The following DOCK9 variants were observed in gnomAD, a reference collection of about 807,000 sequenced individuals.
DOCK9 encodes the protein dedicator of cytokinesis protein 9.
In DOCK9, 89 loss-of-function variants were observed where a neutral mutation model predicts 263.3. The observed-to-expected ratio is 0.34, with a 90% confidence interval of 0.28 to 0.40. The LOEUF (loss-of-function observed/expected upper bound fraction) is 0.40. Among genes scored for constraint, DOCK9 ranks in the 10% least tolerant of loss-of-function variants. DOCK9 has a pLI of 1.00. For synonymous variants in DOCK9, 976 were observed against 973.1 expected (o/e 1.00, Z -0.06); for missense variants, 2,140 against 2,603.4 (o/e 0.82, Z 3.87).
chr13:99,011,524 G>A (rs1294829400), intron 1 of DOCK9, among the ~76,000 whole-genome samples: 2 of 152,132 alleles, frequency 1.3e-5, no homozygotes, highest in African/African-American at 2.4e-5. Flanking sequence ...TTCATATTAT[G>A]AAGAGAAGAA....
rs1355923264 is a variant in DOCK9, at chr13:98,888,353, C to A, written c.1977+7G>T. 6.2e-7 allele frequency: 1 copy of A among 1,611,404 alleles called. No homozygotes were observed. The highest frequency in any genetic ancestry group is 8.5e-7 in the Non-Finnish European group (1 of 1,178,208). Reference sequence around the variant, plus strand: ...ATCAAGAATGAAACCTCCATCTTCACACTCACCTTGGCAAAAGACTTCTGA... The same window carrying A: ...ATCAAGAATGAAACCTCCATCTTCAAACTCACCTTGGCAAAAGACTTCTGA... On this transcript the variant is annotated splice_region_variant and intron_variant, in intron 17 of 52. Coordinates refer to ENST00000682017, the MANE Select transcript of DOCK9 (RefSeq NM_001366683.2).
rs1175277024 is a variant in DOCK9 at position 98,860,451 on chromosome 13, C to T, written c.3651G>A (p.Leu1217=). The change falls in exon 33 of 53, where the codon CTG becomes CTA. Residue 1217 remains leucine, a synonymous_variant. Transcript: ENST00000682017. ...GCAGGTCCTTGTGCAGGCTGTTGTC[C>T]AGGGTGCTTCCCTTCTGCGGCGTCA... The part of the protein sequence containing the change: ...PLVTPQKGST[L]DNSLHKDLLG... 1 of 1,593,868 alleles carries T rather than the reference C, an allele frequency of 6.3e-7. No individual in the cohort carries two copies. Among genetic ancestry groups the T allele is most frequent in the Non-Finnish European group, 8.6e-7 (1 of 1,169,342 alleles).
chr13:98,993,115 A>G (rs1880197195), intron 1 of DOCK9, among the ~76,000 whole-genome samples: 1 of 152,222 alleles, frequency 6.6e-6, no homozygotes, highest in African/African-American at 2.4e-5. Context: ...TGCCTCCTCA[A>G]TGAGAAGTGT....
In DOCK9 at chr13:98,808,679, TAA is replaced by T. The variant is rs747917089; in HGVS notation, c.5367+671_5367+672del. On this transcript the variant is annotated intron_variant, in intron 47 of 52. Transcript: ENST00000682017. ...CACTGTCTGTAAACTGGTATTGCTA[TAA>T]AGTTATAAAAGACAATAACAGAATA... 4.4e-6 allele frequency: 7 copies of T among 1,576,712 alleles called. No individual in the cohort carries two copies. In the South Asian group the frequency reaches 6.8e-5, roughly 15 times the overall value.
At position 98,925,888 on chromosome 13, in the gene DOCK9, A is replaced by T; in HGVS notation, c.365T>A (p.Leu122His). The T allele has an allele frequency of 6.3e-7, 1 of 1,588,194 alleles. No homozygotes were observed. Among genetic ancestry groups the T allele is most frequent in the African/African-American group, 1.3e-5 (1 of 74,692 alleles). Residue 122 changes from leucine (L) to histidine (H), a missense_variant, in exon 4 of 53, where the codon CTT becomes CAT. Physicochemically the swap from Leu to His is moderately conservative, Grantham distance 99. This residue lies in a region of DOCK9 where 1,521 missense variants were observed against 1,741.7 expected (regional missense o/e 0.87). Coordinates refer to ENST00000682017, the MANE Select transcript of DOCK9 (RefSeq NM_001366683.2). ...CIKTYNSDWHLVNYKYEDYSG... is the reference protein window; with the variant it reads ...CIKTYNSDWHHVNYKYEDYSG... ...GTAATCTTCATATTTATAGTTCACAAGATGCCAGTCAGAGTTATAGGTTTT... is the reference window on the plus strand; with the variant it reads ...GTAATCTTCATATTTATAGTTCACATGATGCCAGTCAGAGTTATAGGTTTT...
At chr13:98,809,994 G>A (rs970793127) in intron 46 of DOCK9, among the ~76,000 whole-genome samples, 175 bp downstream of exon 46, 5 of 152,128 alleles carry the variant, frequency 3.3e-5, no homozygotes, top group Non-Finnish European at 5.9e-5. Context: ...GGTGATACCC[G>A]ATGACTATTT....
In DOCK9 at chr13:98,992,782, T is replaced by C. The variant is rs76363797; in HGVS notation, c.130-37231A>G. On this transcript the variant is annotated intron_variant, in intron 1 of 32. Transcript: ENST00000427887. ...ATTACAGTCTCAGGTATGTCTTTAT[T>C]AGCAGCATGAGAATGGACTAATACA... Among the ~76,000 whole-genome samples, 142 of 152,308 alleles carry C rather than the reference T, an allele frequency of 9.3e-4. 1 individual carries two copies. The highest frequency in any genetic ancestry group is 3.4e-3 in the Middle Eastern group (1 of 294).
At chr13:99,082,371 T>C (rs2042155096) in intron 1 of DOCK9, among the ~76,000 whole-genome samples, 1 of 151,362 alleles carries the variant, frequency 6.6e-6, no homozygotes, top group African/African-American at 2.4e-5. Flanking sequence ...TACAAAAAAT[T>C]AGCCGGGTGT....
At chr13:99,056,285 A>C (rs752182) in intron 1 of DOCK9, among the ~76,000 whole-genome samples, 33,351 of 150,020 alleles carry the variant, frequency 0.22, 3,648 homozygotes, top group Middle Eastern at 0.3. Flanking sequence ...CTATCCAATC[A>C]TTGCTTGTTT....
chr13:98,989,346 G>GATGATAATAATA (rs1357152750), intron 1 of DOCK9, among the ~76,000 whole-genome samples: 3 of 60,068 alleles, frequency 5.0e-5, no homozygotes, highest in Non-Finnish European at 1.2e-4. Context: ...TGATGATGAT[G>GATGATAATAATA]ATAATAATAA....
exon 1 of DOCK9, chr13:99,086,338 G>C (rs1268176010): frequency 1.4e-6 from 2 of 1,453,106 alleles, no homozygotes; most frequent in South Asian, 1.3e-5. Context: ...GGGGAGCAGC[G>C]GCGGCTGCGA....
chr13:99,008,237 T>TTC (rs1567201420), intron 1 of DOCK9, among the ~76,000 whole-genome samples: 19 of 128,274 alleles, frequency 1.5e-4, no homozygotes, highest in African/African-American at 5.8e-4. Flanking sequence ...TATATATATT[T>TTC]TTTTTTTTTT....
intron 13 of DOCK9, among the ~76,000 whole-genome samples, chr13:98,900,855 G>A (rs2048163689): frequency 2.0e-5 from 3 of 152,164 alleles, no homozygotes; most frequent in African/African-American, 7.2e-5. Flanking sequence ...GTGATGCATG[G>A]GCGCCCATAG....
chr13:98,883,574 T>C (rs1871758270), intron 22 of DOCK9, among the ~76,000 whole-genome samples: 1 of 152,218 alleles, frequency 6.6e-6, no homozygotes, highest in Admixed American at 6.5e-5. Context: ...AAATTGATCG[T>C]GTACAAATAA....
At chr13:98,958,163 C>A (rs1331687409) in intron 1 of DOCK9, among the ~76,000 whole-genome samples, 1 of 152,230 alleles carries the variant, frequency 6.6e-6, no homozygotes, top group East Asian at 1.9e-4. Context: ...TACAGCAGGG[C>A]AGCCAGGAGG....
At position 98,837,472 on chromosome 13, in the gene DOCK9, C is replaced by G. The variant is rs1267447073; in HGVS notation, c.4314+22G>C. 10 of 1,555,412 alleles carry G rather than the reference C, an allele frequency of 6.4e-6. No individual in the cohort carries two copies. The Admixed American group carries it at 8.4e-5, about 13-fold the overall frequency. On this transcript the variant is annotated intron_variant, in intron 39 of 52. Transcript: ENST00000682017. ...AATGTGAAAGGTAAAACTAGAACCA[C>G]GAACAGCAAATTGATACAAACCTTA...
At position 98,794,693 on chromosome 13, in the gene DOCK9, T is replaced by C. The variant is rs771147223; in HGVS notation, c.6212A>G (p.Asn2071Ser). Residue 2071 changes from asparagine to serine, a missense_variant, in exon 53 of 53, where the codon AAC (asparagine) becomes AGC (serine). Asn to Ser is a conservative substitution (Grantham distance 46, BLOSUM62 1). Transcript: ENST00000682017. ...GCTTGTTGGAGTCCCACTGATGGCGTTGAAGATGTGAAGGGAATTCGGTAA... is the reference window on the plus strand; with the variant it reads ...GCTTGTTGGAGTCCCACTGATGGCGCTGAAGATGTGAAGGGAATTCGGTAA... ...SVLPNSLHIFNAISGTPTSTM... is the reference protein window; with the variant it reads ...SVLPNSLHIFSAISGTPTSTM... The C allele has an allele frequency of 2.0e-5, 32 of 1,613,756 alleles. No homozygotes were observed. Among genetic ancestry groups the C allele is most frequent in the Middle Eastern group, 1.6e-4 (1 of 6,084 alleles).
intron 1 of DOCK9, among the ~76,000 whole-genome samples, chr13:98,994,136 GAA>G (rs1364325722): frequency 6.6e-6 from 1 of 152,336 alleles, no homozygotes; most frequent in East Asian, 1.9e-4. Context: ...ATCTACTTTA[GAA>G]AAGTCTACTG....
chr13:98,877,866 C>T (rs34221309), intron 27 of DOCK9, among the ~76,000 whole-genome samples: 17,427 of 152,182 alleles, frequency 0.11, 1,115 homozygotes, highest in South Asian at 0.21. Flanking sequence ...AATATAATCA[C>T]GTTACCATTG....
Sources: allele counts gnomAD v4.1 joint callset (sites outside exome capture counted in the v4.1 genomes callset), GRCh38; gene constraint gnomAD v4.1.1; regional missense constraint gnomAD v4.1.1; transcripts MANE v1.5; gene names NCBI Gene and HGNC (gene_info 2026-07-23, HGNC 2026-07-21).